VEPH1: variants seen among roughly 807,000 people sequenced by gnomAD.
VEPH1 encodes ventricular zone-expressed PH domain-containing protein homolog 1.
A neutral mutation model predicts 85.2 loss-of-function variants in VEPH1; 80 were observed. The observed-to-expected ratio is 0.94, with a 90% confidence interval of 0.78 to 1.13. The LOEUF (loss-of-function observed/expected upper bound fraction) is 1.13, where lower values mean the gene tolerates loss of function less well. Among genes scored for constraint, VEPH1 ranks in the 50% most tolerant of loss-of-function variants. The pLI is 0.00. For synonymous variants in VEPH1, 297 were observed against 348.0 expected (o/e 0.85, Z 1.63); for missense variants, 955 against 980.5 (o/e 0.97, Z 0.35).
intron 6 of VEPH1, among the ~76,000 whole-genome samples, chr3:157,402,426 AG>A (rs1242369026): frequency 1.2e-4 from 19 of 152,198 alleles, no homozygotes; most frequent in Non-Finnish European, 2.6e-4. Context: ...CTAAAGCGGA[AG>A]GAAGTTTGCC....
chr3:157,467,185 G>GA (rs1187246323), intron 3 of VEPH1, among the ~76,000 whole-genome samples: 116 of 144,104 alleles, frequency 8.0e-4, no homozygotes, highest in African/African-American at 1.3e-3. Context: ...GAAGTGGCCA[G>GA]AAAAAAAAAA....
At chr3:157,263,274 G>T (rs566292086) in intron 13 of VEPH1, among the ~76,000 whole-genome samples, 1 of 152,066 alleles carries the variant, frequency 6.6e-6, no homozygotes, top group Non-Finnish European at 1.5e-5. Context: ...TATTTGAGCC[G>T]CAAGTTTTGT....
chr3:157,333,002 T>C (rs2108610241), intron 9 of VEPH1, among the ~76,000 whole-genome samples: 1 of 152,266 alleles, frequency 6.6e-6, no homozygotes, highest in Middle Eastern at 3.4e-3. Context: ...TCATTTCTGA[T>C]TGGGTGGCTG....
chr3:157,377,804 ACT>A (rs1206493457), intron 7 of VEPH1, among the ~76,000 whole-genome samples: 1 of 152,038 alleles, frequency 6.6e-6, no homozygotes, highest in African/African-American at 2.4e-5. Flanking sequence ...TAAATTACTC[ACT>A]CTCAGGCAGT....
At chr3:157,479,036 A>C (rs536982337) in intron 2 of VEPH1, among the ~76,000 whole-genome samples, 9 of 152,228 alleles carry the variant, frequency 5.9e-5, no homozygotes, top group Non-Finnish European at 8.8e-5. Context: ...AAGACAAAAA[A>C]AAATTTTAAC....
At chr3:157,300,506 A>G (rs1718668461) in intron 11 of VEPH1, among the ~76,000 whole-genome samples, 1 of 152,206 alleles carries the variant, frequency 6.6e-6, no homozygotes, top group African/African-American at 2.4e-5. Flanking sequence ...CTGAGAAAAC[A>G]TTTCTATGCC....
chr3:157,417,731 C>A (rs539562581), intron 5 of VEPH1, among the ~76,000 whole-genome samples: 38 of 152,228 alleles, frequency 2.5e-4, no homozygotes, highest in Non-Finnish European at 4.6e-4. Flanking sequence ...TTCTTTCCAG[C>A]CCACCATAAC....
intron 2 of VEPH1, among the ~76,000 whole-genome samples, chr3:157,479,297 G>A (rs1448573223): frequency 6.6e-6 from 1 of 152,200 alleles, no homozygotes; most frequent in Non-Finnish European, 1.5e-5. Flanking sequence ...CAGTGACCTA[G>A]CCATTGTCAA....
intron 1 of VEPH1, among the ~76,000 whole-genome samples, chr3:157,500,970 A>G (rs1263909730): frequency 6.6e-6 from 1 of 152,206 alleles, no homozygotes; most frequent in African/African-American, 2.4e-5. Context: ...GATATAAAAC[A>G]TTTAACACAG....
At chr3:157,436,849 C>G in intron 4 of VEPH1, 10 of 1,445,536 alleles carry the variant, frequency 6.9e-6, no homozygotes, top group Non-Finnish European at 9.4e-6. Flanking sequence ...TCCAGCCTCT[C>G]ACTCTCACTC....
rs189424075 is a variant in VEPH1, at chr3:157,368,010, A to G, written c.1128-3498T>C. ...TGGATCAGTTTTTTATTCTTAAAAA[A>G]GTTTCATATTTATGGAAATCCTTCT... is the stretch of plus-strand genomic sequence containing the variant. On this transcript the variant is annotated intron_variant, in intron 7 of 13. Transcript: ENST00000362010. Among the ~76,000 whole-genome samples the G allele has an allele frequency of 2.6e-5, 4 of 152,346 alleles. No individual in the cohort carries two copies. In the East Asian group the frequency reaches 7.7e-4, roughly 29 times the overall value.
At chr3:157,404,818 C>T (rs1731031689) in intron 6 of VEPH1, among the ~76,000 whole-genome samples, 1 of 152,142 alleles carries the variant, frequency 6.6e-6, no homozygotes, top group South Asian at 2.1e-4. Context: ...TGATTTCAGT[C>T]TGAGGGCTAC....
chr3:157,399,848 AC>A (rs1376764458), intron 6 of VEPH1, among the ~76,000 whole-genome samples: 1 of 151,998 alleles, frequency 6.6e-6, no homozygotes, highest in East Asian at 1.9e-4. Context: ...ATAAATAAAA[AC>A]CTTGTTAATC....
chr3:157,288,945 AG>A (rs1377705477), intron 11 of VEPH1, among the ~76,000 whole-genome samples: 1 of 152,222 alleles, frequency 6.6e-6, no homozygotes, highest in African/African-American at 2.4e-5. Context: ...CTGTATATCT[AG>A]GAATATTGTT....
intron 9 of VEPH1, among the ~76,000 whole-genome samples, chr3:157,362,192 T>A (rs1467150462): frequency 6.6e-6 from 1 of 151,880 alleles, no homozygotes; most frequent in Non-Finnish European, 1.5e-5. Flanking sequence ...CACCATGGCC[T>A]GCTAATTTCT....
chr3:157,450,391 A>G (rs945178189), intron 4 of VEPH1, among the ~76,000 whole-genome samples: 1 of 151,864 alleles, frequency 6.6e-6, no homozygotes, highest in Non-Finnish European at 1.5e-5. Flanking sequence ...GACAATTATC[A>G]CATTTTTCTA....
chr3:157,313,815 T>A, intron 10 of VEPH1, 60 bp from the exon 11 acceptor site: 2 of 1,588,232 alleles, frequency 1.3e-6, no homozygotes, highest in Non-Finnish European at 1.7e-6. Context: ...TAGTATTGTT[T>A]GATTGATTTC....
chr3:157,289,240 C>A (rs1717172207), intron 11 of VEPH1, among the ~76,000 whole-genome samples: 1 of 152,228 alleles, frequency 6.6e-6, no homozygotes, highest in South Asian at 2.1e-4. Flanking sequence ...TACTAGCAAA[C>A]AAAGTACTTA....
chr3:157,315,126 C>T (rs532818145), intron 10 of VEPH1, among the ~76,000 whole-genome samples: 1 of 152,104 alleles, frequency 6.6e-6, no homozygotes, highest in African/African-American at 2.4e-5. Flanking sequence ...CTTTTTATGT[C>T]AATGACTGTC....
Sources: allele counts gnomAD v4.1 joint callset (sites outside exome capture counted in the v4.1 genomes callset), GRCh38; gene constraint gnomAD v4.1.1; transcripts MANE v1.5; gene names NCBI Gene and HGNC (gene_info 2026-07-23, HGNC 2026-07-21).